The following SYNPR variants were observed in gnomAD, a reference collection of about 807,000 sequenced individuals.
SYNPR encodes synaptoporin.
A neutral mutation model predicts 32.9 loss-of-function variants in SYNPR; 23 were observed. The observed-to-expected ratio is 0.70, with a 90% CI of 0.50 to 0.99. SYNPR has a LOEUF of 0.99. Ranked by LOEUF, SYNPR falls within the 50% of genes least tolerant of loss-of-function variation. The pLI is 0.00. For synonymous variants in SYNPR, 146 were observed against 135.9 expected, an observed-to-expected ratio of 1.07 and a Z score of -0.52; for missense variants, 318 against 349.3, an observed-to-expected ratio of 0.91 and a Z score of 0.71.
At chr3:63,343,625 A>G (rs1242525867) in intron 2 of SYNPR, among the ~76,000 whole-genome samples, 2 of 152,186 alleles carry the variant, frequency 1.3e-5, no homozygotes, top group Non-Finnish European at 2.9e-5. Context: ...TGAAGTTTAG[A>G]CAACATTCAG....
intron 3 of SYNPR, among the ~76,000 whole-genome samples, chr3:63,547,964 C>A (rs552485925): frequency 6.6e-6 from 1 of 152,272 alleles, no homozygotes; most frequent in East Asian, 1.9e-4. Flanking sequence ...TGATTGGCAT[C>A]CAGCAGTAGA....
chr3:63,262,728 A>C (rs930789541), intron 2 of SYNPR, among the ~76,000 whole-genome samples: 1 of 152,188 alleles, frequency 6.6e-6, no homozygotes, highest in Non-Finnish European at 1.5e-5. Flanking sequence ...CCAAGCAGCC[A>C]AAGTCCAGAG....
At chr3:63,515,599 G>C (rs188093385) in intron 3 of SYNPR, among the ~76,000 whole-genome samples, 1 of 152,044 alleles carries the variant, frequency 6.6e-6, no homozygotes, top group African/African-American at 2.4e-5. Context: ...GGAAATTGGG[G>C]TATATTCATG....
chr3:63,209,190 C>T, the SYNPR span, among the ~76,000 whole-genome samples: 1 of 151,846 alleles, frequency 6.6e-6, no homozygotes, highest in Non-Finnish European at 1.5e-5. Context: ...AGGTGGGGGT[C>T]GCCTGTAGTC....
At chr3:63,234,248 G>C (rs117185089) in intron 1 of SYNPR, among the ~76,000 whole-genome samples, 3,667 of 152,212 alleles carry the variant, frequency 0.024, 91 homozygotes, top group African/African-American at 0.065. Flanking sequence ...CAAATCTCAT[G>C]AGACTTATTC....
chr3:63,312,343 A>C (rs569022583), intron 2 of SYNPR, among the ~76,000 whole-genome samples: 22 of 151,892 alleles, frequency 1.4e-4, no homozygotes, highest in South Asian at 2.1e-4. Flanking sequence ...TAAAACTATA[A>C]ATTCACAGCC....
chr3:63,414,887 C>T (rs927593218), intron 2 of SYNPR, among the ~76,000 whole-genome samples: 4 of 152,148 alleles, frequency 2.6e-5, no homozygotes, highest in Non-Finnish European at 4.4e-5. Flanking sequence ...TTCTAACTTA[C>T]AGTATGGTCA....
intron 2 of SYNPR, among the ~76,000 whole-genome samples, chr3:63,335,766 CTTTTTTTTTTTT>C (rs3082128): frequency 2.2e-5 from 2 of 91,474 alleles, no homozygotes; most frequent in African/African-American, 9.8e-5. Flanking sequence ...TATTAGCTTC[CTTTTTTTTTTTT>C]TTTTTTTTTT....
intron 4 of SYNPR, among the ~76,000 whole-genome samples, chr3:63,585,959 T>C (rs946654569): frequency 2.6e-5 from 4 of 152,106 alleles, no homozygotes; most frequent in African/African-American, 7.2e-5. Flanking sequence ...CCACTAGTCA[T>C]CTTCTTGAGG....
intron 2 of SYNPR, among the ~76,000 whole-genome samples, chr3:63,352,454 A>T (rs1354040619): frequency 1.3e-5 from 2 of 152,176 alleles, no homozygotes; most frequent in African/African-American, 4.8e-5. Flanking sequence ...CCTCTTGGGA[A>T]AACACTTATT....
chr3:63,555,958 G>GC (rs1702588786), intron 3 of SYNPR, among the ~76,000 whole-genome samples: 1 of 152,234 alleles, frequency 6.6e-6, no homozygotes, highest in Non-Finnish European at 1.5e-5. Context: ...TTAATGGCAG[G>GC]AAAAGGCTCT....
chr3:63,423,387 A>G (rs764251215), intron 2 of SYNPR, among the ~76,000 whole-genome samples: 11 of 152,212 alleles, frequency 7.2e-5, no homozygotes, highest in Non-Finnish European at 1.3e-4. Flanking sequence ...AGGCTTTGTT[A>G]CAAGGCTGGC....
At chr3:63,568,905 T>C (rs938023557) in intron 4 of SYNPR, among the ~76,000 whole-genome samples, 4 of 152,214 alleles carry the variant, frequency 2.6e-5, no homozygotes, top group African/African-American at 9.6e-5. Context: ...AAATAATTTC[T>C]ATCTCTTCTG....
chr3:63,462,576 A>G (rs952860752), intron 2 of SYNPR, among the ~76,000 whole-genome samples: 22 of 152,158 alleles, frequency 1.4e-4, no homozygotes, highest in Non-Finnish European at 2.8e-4. Context: ...TCGCTGAGTT[A>G]TACTTTATTC....
chr3:63,363,588 T>C (rs1486122578), intron 2 of SYNPR, among the ~76,000 whole-genome samples: 1 of 152,212 alleles, frequency 6.6e-6, no homozygotes, highest in Non-Finnish European at 1.5e-5. Context: ...TGTGTGATCT[T>C]AGGCAAGTCA....
chr3:63,409,318 A>G (rs867115063), intron 2 of SYNPR, among the ~76,000 whole-genome samples: 1 of 152,140 alleles, frequency 6.6e-6, no homozygotes. Context: ...TGCTGTAACT[A>G]CATCAGTTCT....
At chr3:63,233,721 G>A (rs1160469342) in intron 1 of SYNPR, among the ~76,000 whole-genome samples, 1 of 152,128 alleles carries the variant, frequency 6.6e-6, no homozygotes, top group Non-Finnish European at 1.5e-5. Flanking sequence ...AGAGCTAAGA[G>A]TTGTCTCCCA....
intron 2 of SYNPR, among the ~76,000 whole-genome samples, chr3:63,282,082 A>G (rs944904604): frequency 6.6e-6 from 1 of 152,252 alleles, no homozygotes; most frequent in Non-Finnish European, 1.5e-5. Flanking sequence ...TATTCAGTGC[A>G]GCAGAAGACA....
At chr3:63,284,217 G>A (rs1237314500) in intron 2 of SYNPR, among the ~76,000 whole-genome samples, 4 of 152,000 alleles carry the variant, frequency 2.6e-5, no homozygotes, top group Non-Finnish European at 4.4e-5. Context: ...TTTACTATAT[G>A]CAATGCACTG....
Sources: allele counts gnomAD v4.1 joint callset (sites outside exome capture counted in the v4.1 genomes callset), GRCh38; gene constraint gnomAD v4.1.1; transcripts MANE v1.5; gene names NCBI Gene and HGNC (gene_info 2026-07-23, HGNC 2026-07-21).